The following SNX25 variants were observed in gnomAD, a reference collection of about 807,000 sequenced individuals.
The protein encoded by SNX25 is sorting nexin-25.
Under a neutral mutation model 113.7 loss-of-function variants are expected in SNX25, and 62 were observed. That is an observed-to-expected ratio of 0.55 (90% confidence interval 0.44 to 0.67). The LOEUF is 0.67. Ranked by LOEUF, SNX25 falls within the 30% of genes least tolerant of loss-of-function variation. SNX25 has a pLI of 0.00. For missense variants in SNX25, 1,014 were observed against 1,161.0 expected, an observed-to-expected ratio of 0.87 and a Z score of 1.84; for synonymous variants, 421 against 436.2, an observed-to-expected ratio of 0.97 and a Z score of 0.43.
At chr4:185,348,109 A>C (rs1180255118) in intron 13 of SNX25, among the ~76,000 whole-genome samples, 1 of 152,210 alleles carries the variant, frequency 6.6e-6, no homozygotes, top group Non-Finnish European at 1.5e-5. Context: ...ATAAGGCCAA[A>C]GGTGTACTGT....
chr4:185,265,506 T>C (rs576959979), intron 4 of SNX25, among the ~76,000 whole-genome samples: 1 of 152,190 alleles, frequency 6.6e-6, no homozygotes, highest in South Asian at 2.1e-4. Flanking sequence ...TGAATGGAGC[T>C]TGCAGGACTG....
chr4:185,367,292 G>C, downstream of SNX25: 1 of 1,475,596 alleles, frequency 6.8e-7, no homozygotes, highest in Non-Finnish European at 9.2e-7. Flanking sequence ...CTAATTGTTT[G>C]GGTCTTTCTT....
chr4:185,350,724 T>C (rs1371965878), intron 13 of SNX25, among the ~76,000 whole-genome samples: 2 of 152,096 alleles, frequency 1.3e-5, no homozygotes, highest in Non-Finnish European at 2.9e-5. Flanking sequence ...TAGCCAGTCA[T>C]GATGGTGTGC....
At chr4:185,226,929 T>C (rs1242369624) in intron 1 of SNX25, among the ~76,000 whole-genome samples, 1 of 152,162 alleles carries the variant, frequency 6.6e-6, no homozygotes, top group Admixed American at 6.5e-5. Context: ...TAAGAAAGAA[T>C]ACACAGTCCA....
At chr4:185,240,605 A>G (rs966936722) in intron 1 of SNX25, among the ~76,000 whole-genome samples, 3 of 147,698 alleles carry the variant, frequency 2.0e-5, no homozygotes, top group African/African-American at 7.7e-5. Context: ...GGCCGGGCAG[A>G]GGCGCCCCTC....
chr4:185,236,021 C>T (rs570544368), intron 1 of SNX25, among the ~76,000 whole-genome samples: 2 of 152,170 alleles, frequency 1.3e-5, no homozygotes, highest in Non-Finnish European at 2.9e-5. Context: ...CATTGTTGTC[C>T]CCCCTTGCAG....
At chr4:185,284,900 G>C (rs1751132439) in intron 5 of SNX25, among the ~76,000 whole-genome samples, 1 of 152,174 alleles carries the variant, frequency 6.6e-6, no homozygotes, top group Non-Finnish European at 1.5e-5. Flanking sequence ...GTGGGGCTTT[G>C]AAACTGATGT....
chr4:185,223,072 G>C (rs1740248678), intron 1 of SNX25, among the ~76,000 whole-genome samples: 1 of 152,072 alleles, frequency 6.6e-6, no homozygotes. Flanking sequence ...TGTATAGATG[G>C]ATGAATGATT....
intron 6 of SNX25, among the ~76,000 whole-genome samples, chr4:185,301,791 T>G (rs1560986955): frequency 6.6e-6 from 1 of 152,146 alleles, no homozygotes; most frequent in Non-Finnish European, 1.5e-5. Context: ...TTCACCATGT[T>G]GCCCAGACTG....
chr4:185,346,578 C>G lies in SNX25; in HGVS notation c.2229C>G (p.Ser743Arg), dbSNP rs754452300. Residue 743 changes from serine (S) to arginine (R), a missense_variant, in exon 13 of 19, where the codon AGC becomes AGG. By Grantham distance (110) the Ser-to-Arg change is moderately radical (BLOSUM62 -1). Transcript: ENST00000652585. Reference sequence around the variant, plus strand: ...AAAAAGTCCAGTTGCCTTCTCTTAGCAAGCTGCCTTTCAAATCTATAGATC... The same window carrying G: ...AAAAAGTCCAGTTGCCTTCTCTTAGGAAGCTGCCTTTCAAATCTATAGATC... ...SLKKVQLPSL[S>R]KLPFKSIDQK... The G allele has an allele frequency of 2.5e-6, 4 of 1,596,998 alleles. No individual in the cohort carries two copies. The highest frequency in any genetic ancestry group is 1.8e-5 in the Admixed American group (1 of 55,190).
intron 2 of SNX25, among the ~76,000 whole-genome samples, chr4:185,257,652 T>C (rs2126519378): frequency 6.6e-6 from 1 of 152,308 alleles, no homozygotes; most frequent in African/African-American, 2.4e-5. Context: ...TTATTTTTAT[T>C]GTTTATCTTA....
At chr4:185,280,983 A>G (rs534070976) in intron 5 of SNX25, among the ~76,000 whole-genome samples, 8 of 152,340 alleles carry the variant, frequency 5.3e-5, no homozygotes, top group East Asian at 1.9e-4. Flanking sequence ...TCTTGGGCCT[A>G]TCAAAATGCT....
In SNX25 at chr4:185,339,495, C is replaced by T. The variant is rs1242163739; in HGVS notation, c.2031C>T (p.Ser677=). The T allele has an allele frequency of 7.4e-6, 12 of 1,613,608 alleles. No individual in the cohort carries two copies. The highest frequency in any genetic ancestry group is 1.3e-5 in the African/African-American group (1 of 74,910). ...AAAACCTTGGCATGTGGAAAGCCTC[C>T]ATCACCAGTGGAGAGGTAGTTTTGA... ...WCENLGMWKA[S]ITSGEVTEEN... Residue 677 remains serine, a synonymous_variant, in exon 11 of 19, where the codon TCC becomes TCT. Coordinates refer to ENST00000652585, the MANE Select transcript of SNX25 (RefSeq NM_001378034.2).
rs147960002 is a variant in SNX25, at chr4:185,246,015, G to A, written c.430-1279G>A. Among the ~76,000 whole-genome samples the A allele has an allele frequency of 9.6e-3, 1,465 of 152,154 alleles. 21 individuals carry two copies. Among genetic ancestry groups the A allele is most frequent in the African/African-American group, 0.034 (1,402 of 41,516 alleles). On this transcript the variant is annotated intron_variant, in intron 1 of 18. Transcript: ENST00000652585. ...ATAGAAAGTCCTTTAGGCCGGGTGCGGTGGCTCACGCCTGTAATCCCAGCA... is the reference window on the plus strand; with the variant it reads ...ATAGAAAGTCCTTTAGGCCGGGTGCAGTGGCTCACGCCTGTAATCCCAGCA...
At chr4:185,223,539 C>T (rs985643801) in intron 1 of SNX25, among the ~76,000 whole-genome samples, 6 of 152,210 alleles carry the variant, frequency 3.9e-5, no homozygotes, top group East Asian at 1.9e-4. Flanking sequence ...CGGCGGCTCA[C>T]GCCTGTGATC....
chr4:185,294,942 G>C (rs1259155990), intron 6 of SNX25, among the ~76,000 whole-genome samples: 1 of 151,946 alleles, frequency 6.6e-6, no homozygotes, highest in African/African-American at 2.4e-5. Flanking sequence ...TATTTCTGTG[G>C]TCTTTGGAGT....
chr4:185,378,503 C>T, the SNX25 span: 11 of 1,086,190 alleles, frequency 1.0e-5, no homozygotes, highest in African/African-American at 1.3e-4. Flanking sequence ...GGTCAAGTCA[C>T]CCAGCACAAG....
intron 5 of SNX25, among the ~76,000 whole-genome samples, chr4:185,269,991 T>C (rs1360899043): frequency 6.6e-6 from 1 of 152,010 alleles, no homozygotes. Flanking sequence ...GAATTAATGG[T>C]TTATCTTCTT....
At chr4:185,357,277 G>A (rs1486102380) in intron 15 of SNX25, among the ~76,000 whole-genome samples, 1 of 152,206 alleles carries the variant, frequency 6.6e-6, no homozygotes, top group Non-Finnish European at 1.5e-5. Context: ...GACTACAGAT[G>A]TTTCTCATTC....
Sources: allele counts gnomAD v4.1 joint callset (sites outside exome capture counted in the v4.1 genomes callset), GRCh38; gene constraint gnomAD v4.1.1; transcripts MANE v1.5; gene names NCBI Gene and HGNC (gene_info 2026-07-23, HGNC 2026-07-21).